FREM3: variants seen among roughly 807,000 people sequenced by gnomAD.
FREM3 encodes FRAS1 related extracellular matrix 3, also known as FRAS1-related extracellular matrix protein 3.
Under a neutral mutation model 129.1 loss-of-function variants are expected in FREM3, and 105 were observed. That is an observed-to-expected ratio of 0.81 (90% CI 0.69 to 0.96). The LOEUF is 0.96. Among genes scored for constraint, FREM3 ranks in the 40% least tolerant of loss-of-function variants. FREM3 has a pLI of 0.00. For synonymous variants in FREM3, 1,014 were observed against 1,044.9 expected (o/e 0.97, Z 0.57); for missense variants, 2,593 against 2,666.3 (o/e 0.97, Z 0.61).
At chr4:143,622,337 G>A (rs922088447) in intron 4 of FREM3, among the ~76,000 whole-genome samples, 1 of 150,866 alleles carries the variant, frequency 6.6e-6, no homozygotes, top group Admixed American at 6.6e-5. Context: ...CAAGTGATCT[G>A]CCTGCCTCGG....
chr4:143,658,722 C>T (rs943297079), intron 2 of FREM3, among the ~76,000 whole-genome samples: 2 of 152,230 alleles, frequency 1.3e-5, no homozygotes, highest in Non-Finnish European at 2.9e-5. Flanking sequence ...CTTTTAAGCT[C>T]ATCAGCTATC....
At chr4:143,671,546 T>TG (rs1739964776) in intron 2 of FREM3, among the ~76,000 whole-genome samples, 1 of 152,112 alleles carries the variant, frequency 6.6e-6, no homozygotes, top group African/African-American at 2.4e-5. Flanking sequence ...GGACTACAGA[T>TG]GGGGGCAGGA....
chr4:143,610,353 A>T (rs1436029505), intron 6 of FREM3, among the ~76,000 whole-genome samples: 1 of 152,222 alleles, frequency 6.6e-6, no homozygotes, highest in Admixed American at 6.5e-5. Context: ...TAAACAGAAC[A>T]TGATAGTACA....
chr4:143,599,985 A>G (rs1738545566), intron 6 of FREM3, among the ~76,000 whole-genome samples: 1 of 152,172 alleles, frequency 6.6e-6, no homozygotes, highest in African/African-American at 2.4e-5. Flanking sequence ...TTAGGGAGCT[A>G]TTTAAAAATC....
chr4:143,700,395 C>T lies in FREM3; in HGVS notation c.281G>A (p.Arg94Gln). 1 of 1,534,618 alleles carries T rather than the reference C, an allele frequency of 6.5e-7. No individual in the cohort carries two copies. Among genetic ancestry groups the T allele is most frequent in the Non-Finnish European group, 8.7e-7 (1 of 1,145,866 alleles). The change falls in exon 1 of 8, where the codon CGG becomes CAG. Residue 94 changes from arginine (R) to glutamine (Q), a missense_variant. Coordinates refer to ENST00000329798, the MANE Select transcript of FREM3 (RefSeq NM_001168235.2). ...DLVIGVQPGD[R>Q]CEVTVLDALP... ...GGCGTCCAGTACCGTGACTTCGCAC[C>T]GGTCCCCCGGCTGCACTCCAATCAC...
At chr4:143,609,419 G>A (rs1011185412) in intron 6 of FREM3, among the ~76,000 whole-genome samples, 13 of 152,034 alleles carry the variant, frequency 8.6e-5, no homozygotes, top group African/African-American at 3.1e-4. Context: ...CATTATCATG[G>A]AAAAGTAAGC....
At chr4:143,617,390 A>G (rs1326363193) in intron 5 of FREM3, among the ~76,000 whole-genome samples, 1 of 152,138 alleles carries the variant, frequency 6.6e-6, no homozygotes, top group African/African-American at 2.4e-5. Flanking sequence ...CCCACAATAA[A>G]CAGTTATTCA....
At chr4:143,644,177 ATGTG>A (rs10578943) in intron 2 of FREM3, among the ~76,000 whole-genome samples, 105 of 149,154 alleles carry the variant, frequency 7.0e-4, no homozygotes, top group Admixed American at 1.7e-3. Context: ...TGCTCTGCAT[ATGTG>A]TGTGTGTGTG....
chr4:143,674,665 C>G (rs1399686412), intron 2 of FREM3, among the ~76,000 whole-genome samples: 2 of 152,036 alleles, frequency 1.3e-5, no homozygotes, highest in African/African-American at 4.8e-5. Context: ...TGCAGAGACA[C>G]ACATAGACTC....
intron 7 of FREM3, among the ~76,000 whole-genome samples, chr4:143,581,828 C>A (rs192836855): frequency 1.4e-3 from 214 of 152,296 alleles, no homozygotes; most frequent in African/African-American, 4.5e-3. Context: ...TGGGGTGGAG[C>A]TCCCAGAGGC....
rs1740614726 is a variant in FREM3 at position 143,698,082 on chromosome 4, A to G, written c.2594T>C (p.Val865Ala). The G allele has an allele frequency of 6.5e-7, 1 of 1,537,214 alleles. No individual in the cohort carries two copies. Among genetic ancestry groups the G allele is most frequent in the African/African-American group, 1.4e-5 (1 of 73,026 alleles). Residue 865 changes from valine (V) to alanine (A), a missense_variant, in exon 1 of 8, where the codon GTC becomes GCC. Coordinates refer to ENST00000329798, the MANE Select transcript of FREM3 (RefSeq NM_001168235.2). ...TDPDTDIDQIVFILVRGPQHG... is the reference protein window; with the variant it reads ...TDPDTDIDQIAFILVRGPQHG... ...TTGGGGACCCCGGACTAATATGAAG[A>G]CAATTTGGTCAATGTCTGTGTCTGG...
intron 5 of FREM3, among the ~76,000 whole-genome samples, chr4:143,616,942 T>G (rs1738863100): frequency 6.6e-6 from 1 of 152,178 alleles, no homozygotes; most frequent in Non-Finnish European, 1.5e-5. Flanking sequence ...ATAGAGTAGA[T>G]CATTAAAAAC....
chr4:143,699,924 C>G lies in FREM3; in HGVS notation c.752G>C (p.Arg251Pro). Residue 251 changes from arginine to proline, a missense_variant, in exon 1 of 8, where the codon CGC (arginine) becomes CCC (proline). Coordinates refer to ENST00000329798, the MANE Select transcript of FREM3 (RefSeq NM_001168235.2). This position sits in a 1 kb window ranked among gnomAD's most constrained non-coding sequence, Gnocchi z 4.2. ...DCEAFLRAGV[R>P]YQHTATSSPN... ...CGAGGAGGTGGCTGTGTGCTGATAGCGCACCCCAGCACGGAGGAAAGCCTC... is the reference window on the plus strand; with the variant it reads ...CGAGGAGGTGGCTGTGTGCTGATAGGGCACCCCAGCACGGAGGAAAGCCTC... 1.3e-6 allele frequency: 2 copies of G among 1,535,190 alleles called. No homozygotes were observed. Among genetic ancestry groups the G allele is most frequent in the Non-Finnish European group, 1.7e-6 (2 of 1,146,090 alleles).
chr4:143,614,452 G>A (rs954863827), intron 5 of FREM3, among the ~76,000 whole-genome samples: 12 of 152,180 alleles, frequency 7.9e-5, no homozygotes, highest in Non-Finnish European at 1.2e-4. Flanking sequence ...TACATATCCC[G>A]TATTTTACAG....
chr4:143,643,318 A>C (rs569691853), intron 2 of FREM3, among the ~76,000 whole-genome samples: 4 of 152,196 alleles, frequency 2.6e-5, no homozygotes, highest in African/African-American at 9.6e-5. Context: ...TCTGCACTCC[A>C]GTGTTTATTG....
At chr4:143,615,832 C>T (rs766875619) in intron 5 of FREM3, among the ~76,000 whole-genome samples, 3 of 146,960 alleles carry the variant, frequency 2.0e-5, no homozygotes, top group African/African-American at 5.5e-5. Context: ...GATTCCCATT[C>T]AGAAGGTGGT....
At chr4:143,661,978 CT>C (rs1219089639) in intron 2 of FREM3, among the ~76,000 whole-genome samples, 4 of 151,896 alleles carry the variant, frequency 2.6e-5, no homozygotes, top group Admixed American at 2.0e-4. Flanking sequence ...ATTCTTCTCT[CT>C]TTTTTTCTTT....
rs1740593482 is a variant in FREM3, at chr4:143,697,325, G to A, written c.3351C>T (p.Tyr1117=). 6.5e-7 allele frequency: 1 copy of A among 1,537,116 alleles called. No individual in the cohort carries two copies. The highest frequency in any genetic ancestry group is 8.7e-7 in the Non-Finnish European group (1 of 1,146,812). Residue 1117 remains tyrosine, a synonymous_variant, in exon 1 of 8, where the codon TAC becomes TAT. Transcript: ENST00000329798. ...CAGGAGCTGATGCAATCTTTTCCAG[G>A]TAGCCAGAGGCTGGCTGACTAGTCA... ...CTVTSQPASG[Y]LEKIASAPGS...
chr4:143,628,076 C>A (rs548506096), intron 2 of FREM3, among the ~76,000 whole-genome samples: 2 of 152,122 alleles, frequency 1.3e-5, no homozygotes, highest in South Asian at 2.1e-4. Flanking sequence ...ACACCTCTAT[C>A]GTTTCCTCCC....
Sources: gnomAD v4.1 joint callset for allele counts (sites outside exome capture counted in the v4.1 genomes callset) on GRCh38, gnomAD v4.1.1 for gene constraint, Gnocchi (gnomAD v3.1) non-coding constraint, MANE v1.5 for transcripts, NCBI Gene and HGNC (gene_info 2026-07-23, HGNC 2026-07-21) for gene names.